The following CHD6 variants were observed in gnomAD, a reference collection of about 807,000 sequenced individuals.
CHD6 encodes ATP-dependent chromatin remodeler CHD6.
CHD6 carries 50 observed loss-of-function variants against 276.9 expected under a neutral mutation model. The observed-to-expected ratio is 0.18, with a 90% CI of 0.14 to 0.23. The LOEUF (loss-of-function observed/expected upper bound fraction) is 0.23. Among genes scored for constraint, CHD6 ranks in the 10% least tolerant of loss-of-function variants. The pLI is 1.00. For synonymous variants in CHD6, 1,173 were observed against 1,229.3 expected (o/e 0.95, Z 0.96); for missense variants, 2,564 against 3,365.8 (o/e 0.76, Z 5.89).
intron 27 of CHD6, among the ~76,000 whole-genome samples, chr20:41,427,585 A>C (rs1483613647): frequency 1.3e-5 from 2 of 152,164 alleles, no homozygotes; most frequent in African/African-American, 2.4e-5. Flanking sequence ...ACTTTCAACT[A>C]ACAAGCTGTC....
intron 16 of CHD6, 97 bp downstream of exon 16, chr20:41,483,212 G>A: frequency 1.8e-6 from 2 of 1,085,972 alleles, no homozygotes; most frequent in African/African-American, 3.2e-5. Flanking sequence ...GTTTTTGAAT[G>A]TTTTGTGTTT....
intron 36 of CHD6, among the ~76,000 whole-genome samples, chr20:41,406,991 T>A (rs896580492): frequency 6.6e-6 from 1 of 152,168 alleles, no homozygotes; most frequent in East Asian, 1.9e-4. Flanking sequence ...TTCCCTTTGA[T>A]TACAGCAATG....
intron 22 of CHD6, 147 bp downstream of exon 22, chr20:41,451,679 A>G (rs1000236447): frequency 1.7e-4 from 120 of 708,606 alleles, no homozygotes; most frequent in Non-Finnish European, 4.9e-6. Context: ...GCAGAAACGA[A>G]AGCAACATCT....
At chr20:41,524,680 C>T (rs1337069053) in intron 3 of CHD6, among the ~76,000 whole-genome samples, 1 of 152,168 alleles carries the variant, frequency 6.6e-6, no homozygotes, top group East Asian at 1.9e-4. Context: ...CAACATTAAG[C>T]AATGGCTACT....
At chr20:41,447,714 G>A (rs951344368) in intron 24 of CHD6, among the ~76,000 whole-genome samples, 168 bp downstream of exon 24, 8 of 152,200 alleles carry the variant, frequency 5.3e-5, no homozygotes, top group African/African-American at 1.9e-4. Context: ...ATGACCTGAT[G>A]AATTGTCCTT....
chr20:41,539,446 AG>A (rs2044897639), intron 2 of CHD6, among the ~76,000 whole-genome samples: 1 of 152,172 alleles, frequency 6.6e-6, no homozygotes, highest in Non-Finnish European at 1.5e-5. Flanking sequence ...TGCCAGTATA[AG>A]TAAGTCTTCT....
chr20:41,610,122 T>C (rs2045871483), intron 1 of CHD6, among the ~76,000 whole-genome samples: 1 of 152,110 alleles, frequency 6.6e-6, no homozygotes, highest in African/African-American at 2.4e-5. Flanking sequence ...TCCCAAAGTG[T>C]TGGGATTACA....
intron 20 of CHD6, among the ~76,000 whole-genome samples, chr20:41,453,381 G>A (rs1055064483): frequency 4.6e-5 from 7 of 151,976 alleles, no homozygotes; most frequent in South Asian, 2.1e-4. Flanking sequence ...GAAGACAAAC[G>A]CATATTCCTG....
At chr20:41,516,224 C>T (rs6102443) in intron 3 of CHD6, among the ~76,000 whole-genome samples, 57,041 of 151,458 alleles carry the variant, frequency 0.38, 13,314 homozygotes, top group African/African-American at 0.64. Flanking sequence ...GGTGCAGTGG[C>T]GTGATCTTGG....
At chr20:41,491,024 G>A (rs1316527121) in intron 11 of CHD6, among the ~76,000 whole-genome samples, 1 of 152,084 alleles carries the variant, frequency 6.6e-6, no homozygotes, top group Non-Finnish European at 1.5e-5. Flanking sequence ...AGGACTGGAA[G>A]TTGCTCTGGG....
intron 1 of CHD6, among the ~76,000 whole-genome samples, chr20:41,571,838 A>G (rs1568709856): frequency 6.6e-6 from 1 of 152,230 alleles, no homozygotes; most frequent in East Asian, 1.9e-4. Context: ...TATAATAGAA[A>G]GCACAGCTCT....
intron 1 of CHD6, among the ~76,000 whole-genome samples, chr20:41,615,229 A>C (rs956820352): frequency 6.6e-6 from 1 of 152,200 alleles, no homozygotes; most frequent in African/African-American, 2.4e-5. Flanking sequence ...TGGCTATGAA[A>C]ACAAAGATAT....
intron 15 of CHD6, among the ~76,000 whole-genome samples, chr20:41,483,810 CAAG>C (rs1218764028): frequency 6.6e-6 from 1 of 152,148 alleles, no homozygotes; most frequent in Non-Finnish European, 1.5e-5. Flanking sequence ...CCTTCCCAGA[CAAG>C]AAGGACTTTC....
intron 25 of CHD6, among the ~76,000 whole-genome samples, chr20:41,441,112 A>T (rs766991346): frequency 1.3e-5 from 2 of 152,138 alleles, no homozygotes; most frequent in African/African-American, 4.8e-5. Flanking sequence ...TGGCACGAGA[A>T]GCTCTGCAGT....
chr20:41,520,032 AAAG>A (rs1331895903), intron 3 of CHD6, among the ~76,000 whole-genome samples: 1 of 152,236 alleles, frequency 6.6e-6, no homozygotes, highest in Non-Finnish European at 1.5e-5. Flanking sequence ...ACATTTCTCG[AAAG>A]AAGACATTTA....
Position 41,420,841 on chromosome 20 carries a change from C to T in CHD6, c.5794G>A (p.Ala1932Thr), listed in dbSNP as rs113050531. 5.3e-5 allele frequency: 85 copies of T among 1,614,162 alleles called. 3 individuals are homozygous for T. Among genetic ancestry groups the T allele is most frequent in the African/African-American group, 4.3e-4 (32 of 75,046 alleles). Residue 1932 changes from alanine (A) to threonine (T), a missense_variant, in exon 31 of 37, where the codon GCT (alanine) becomes ACT (threonine). Ala to Thr is a moderately conservative substitution (Grantham distance 58). This residue lies in a region of CHD6 where 1,024 missense variants were observed against 1,047.9 expected (regional missense o/e 0.98). Transcript: ENST00000373233. The stretch of plus-strand genomic sequence containing the variant: ...CAGTGGCACTGACAGGCTGCTGGAG[C>T]GGGGAAAGCCCTCTGTAGCCCAGGA... ...QTPGLQRAFP[A>T]PAACQCHCKH...
intron 16 of CHD6, among the ~76,000 whole-genome samples, chr20:41,481,205 A>C (rs916307712): frequency 6.6e-6 from 1 of 151,870 alleles, no homozygotes; most frequent in Non-Finnish European, 1.5e-5. Flanking sequence ...CATTAATTTA[A>C]GCTTAAGTTC....
At chr20:41,608,283 C>A (rs751088915) in intron 1 of CHD6, among the ~76,000 whole-genome samples, 22 of 152,074 alleles carry the variant, frequency 1.4e-4, no homozygotes, top group Non-Finnish European at 2.9e-4. Context: ...ACAAGATTTA[C>A]CAAAATAGTA....
Position 41,404,633 on chromosome 20 carries a change from C to G in CHD6, c.8108G>C (p.Gly2703Ala), listed in dbSNP as rs779638279. ...GTTGGAGTCTTTGAGTGCCCCCTCCCCAGCCTGTGCCCCATGTTCTCTCTC... is the reference window on the plus strand; with the variant it reads ...GTTGGAGTCTTTGAGTGCCCCCTCCGCAGCCTGTGCCCCATGTTCTCTCTC... ...PAEREHGAQA[G>A]EGALKDSNND... Residue 2703 changes from glycine (G) to alanine (A), a missense_variant, in exon 37 of 37, where the codon GGG becomes GCG. Gly to Ala is a moderately conservative substitution (Grantham distance 60). This residue lies in a region of CHD6 where 238 missense variants were observed against 266.0 expected (regional missense o/e 0.89). Coordinates refer to ENST00000373233, the MANE Select transcript of CHD6 (RefSeq NM_032221.5). 1 of 1,510,626 alleles carries G rather than the reference C, an allele frequency of 6.6e-7. No homozygotes were observed. The highest frequency in any genetic ancestry group is 1.4e-5 in the African/African-American group (1 of 71,736). The allele number at this position is 1,510,626 out of a possible 1,614,324, so 93.6% of individuals were successfully genotyped here.
Sources: gnomAD v4.1 joint callset for allele counts (sites outside exome capture counted in the v4.1 genomes callset) on GRCh38, gnomAD v4.1.1 for gene constraint, gnomAD v4.1.1 regional missense constraint, MANE v1.5 for transcripts, NCBI Gene and HGNC (gene_info 2026-07-23, HGNC 2026-07-21) for gene names.